Variants in CRISP2 observed in about 807,000 individuals in gnomAD.
CRISP2 encodes the protein cysteine rich secretory protein 2, also known as cysteine-rich secretory protein 2.
Under a neutral mutation model 31.7 loss-of-function variants are expected in CRISP2, and 29 were observed. The ratio of observed to expected loss-of-function variants is 0.92; its 90% CI spans 0.68 to 1.25. CRISP2 has a LOEUF of 1.25. Among genes scored for constraint, CRISP2 ranks in the 50% most tolerant of loss-of-function variants. The probability of loss-of-function intolerance (pLI) is 0.00; values close to 1 mark genes in which losing one functional copy is unlikely to be tolerated. For synonymous variants in CRISP2, 111 were observed against 101.4 expected (o/e 1.09, Z -0.57); for missense variants, 318 against 286.5 (o/e 1.11, Z -0.79).
At chr6:49,691,400 A>T (rs1300536068), downstream of CRISP2, among the ~76,000 whole-genome samples, 1 of 152,056 alleles carries the variant, frequency 6.6e-6, no homozygotes, top group Non-Finnish European at 1.5e-5. Flanking sequence ...ATTCTTGGGG[A>T]GCTATATATA....
downstream of CRISP2, among the ~76,000 whole-genome samples, chr6:49,688,129 A>C (rs1311956902): frequency 1.3e-5 from 2 of 152,180 alleles, no homozygotes; most frequent in Non-Finnish European, 2.9e-5. Flanking sequence ...CCTGCAATGG[A>C]TGAGTCCTAA....
At chr6:49,702,520 C>G (rs1766274659) in intron 4 of CRISP2, among the ~76,000 whole-genome samples, 1 of 151,506 alleles carries the variant, frequency 6.6e-6, no homozygotes, top group Non-Finnish European at 1.5e-5. Context: ...AAAGTGTTAG[C>G]CTCATTGTGG....
the CRISP2 span, among the ~76,000 whole-genome samples, chr6:49,684,986 A>G: frequency 6.6e-6 from 1 of 152,060 alleles, no homozygotes. Context: ...AGCCTCTTTC[A>G]CAGCTCTGGG....
At chr6:49,709,003 T>C in intron 4 of CRISP2, 128 bp downstream of exon 4, 1 of 749,668 alleles carries the variant, frequency 1.3e-6, no homozygotes, top group East Asian at 2.5e-5. Context: ...TGTTAAGTGC[T>C]CTGAGAACTC....
Sources: gnomAD v4.1 joint callset for allele counts (sites outside exome capture counted in the v4.1 genomes callset) on GRCh38, gnomAD v4.1.1 for gene constraint, MANE v1.5 for transcripts, NCBI Gene and HGNC (gene_info 2026-07-23, HGNC 2026-07-21) for gene names.